The following PPP1R12A variants were observed in gnomAD, a reference collection of about 807,000 sequenced individuals.
PPP1R12A encodes the protein protein phosphatase 1 regulatory subunit 12A.
PPP1R12A carries 19 observed loss-of-function variants against 139.6 expected under a neutral mutation model. The ratio of observed to expected loss-of-function variants is 0.14; its 90% CI spans 0.09 to 0.20. The LOEUF (loss-of-function observed/expected upper bound fraction) is 0.20. PPP1R12A is among the 10% of genes least tolerant of loss of function. The pLI is 1.00. For missense variants in PPP1R12A, 925 were observed against 1,211.5 expected (o/e 0.76, Z 3.51); for synonymous variants, 427 against 420.6 (o/e 1.02, Z -0.19).
At chr12:79,935,234 G>C, upstream of PPP1R12A, 1 of 1,238,198 alleles carries the variant, frequency 8.1e-7, no homozygotes, top group Non-Finnish European at 1.0e-6. Context: ...TTCGACCAGT[G>C]CGCATGCGCC....
chr12:79,935,224 T>G, upstream of PPP1R12A: 2 of 1,259,450 alleles, frequency 1.6e-6, no homozygotes, highest in Non-Finnish European at 2.0e-6. Flanking sequence ...GGAGGCGCCC[T>G]TCGACCAGTG....
At chr12:79,881,507 G>T (rs770196102) in intron 1 of PPP1R12A, among the ~76,000 whole-genome samples, 8 of 152,206 alleles carry the variant, frequency 5.3e-5, no homozygotes, top group Non-Finnish European at 1.2e-4. Flanking sequence ...CCCAAGAGAG[G>T]TGAGGAAGCT....
chr12:79,892,147 T>C (rs1257737934), intron 1 of PPP1R12A, among the ~76,000 whole-genome samples: 2 of 152,206 alleles, frequency 1.3e-5, no homozygotes. Context: ...ATCCAAACAT[T>C]ATGTTCCCTT....
At chr12:79,788,834 A>G (rs751867603) in intron 20 of PPP1R12A, 51 bp from the exon 21 acceptor site, 22 of 1,469,242 alleles carry the variant, frequency 1.5e-5, no homozygotes, top group Middle Eastern at 1.8e-4. Flanking sequence ...TTTTACAATT[A>G]TAACAACATA....
chr12:79,782,571 C>T (rs1339139718), intron 22 of PPP1R12A: 1 of 455,174 alleles, frequency 2.2e-6, no homozygotes, highest in South Asian at 1.6e-5. Flanking sequence ...TTTAGCCTAC[C>T]TGTTGTATCC....
upstream of PPP1R12A, chr12:79,935,402 T>G: frequency 1.0e-6 from 1 of 992,000 alleles, no homozygotes; most frequent in Non-Finnish European, 1.2e-6. Context: ...GGCTGGGGGC[T>G]CCCGGGAATC....
At chr12:79,778,705 G>C (rs999311142) in intron 23 of PPP1R12A, 105 bp from the exon 24 acceptor site, 1 of 744,258 alleles carries the variant, frequency 1.3e-6, no homozygotes, top group Admixed American at 3.2e-5. Flanking sequence ...GTCCAATCAG[G>C]AGCAGTGTAG....
rs1870001486 is a variant in PPP1R12A, at chr12:79,778,377, C to T, written c.3006+173G>A. Reference sequence around the variant, plus strand: ...TGTTAAGATTTGGGTTTTAGACCCTCTTCTGGCTCACTAAAACCTGGATTC... The same window carrying T: ...TGTTAAGATTTGGGTTTTAGACCCTTTTCTGGCTCACTAAAACCTGGATTC... On this transcript the variant is annotated intron_variant, in intron 24 of 24. Coordinates refer to ENST00000450142, the MANE Select transcript of PPP1R12A (RefSeq NM_002480.3). The T allele has an allele frequency of 1.7e-5, 7 of 409,682 alleles. No individual in the cohort carries two copies. In the South Asian group the frequency reaches 5.7e-4, roughly 34 times the overall value. The allele number at this position is 409,682 out of a possible 1,614,324, so 25.4% of individuals were successfully genotyped here.
intron 1 of PPP1R12A, among the ~76,000 whole-genome samples, chr12:79,921,387 CA>C (rs1477524827): frequency 1.3e-5 from 2 of 152,004 alleles, no homozygotes; most frequent in Non-Finnish European, 2.9e-5. Flanking sequence ...CATTCATCTT[CA>C]AGAAAGAAAC....
At chr12:79,932,587 T>C (rs1304116220) in intron 1 of PPP1R12A, among the ~76,000 whole-genome samples, 1 of 152,132 alleles carries the variant, frequency 6.6e-6, no homozygotes, top group Non-Finnish European at 1.5e-5. Context: ...ATTACGCAAA[T>C]GGAGTAAATT....
intron 14 of PPP1R12A, among the ~76,000 whole-genome samples, chr12:79,803,340 C>T (rs1481961033): frequency 6.6e-6 from 1 of 152,010 alleles, no homozygotes; most frequent in Non-Finnish European, 1.5e-5. Context: ...TTGCAAAGAG[C>T]TGATCATTAA....
chr12:79,782,720 G>C (rs1194685927), intron 22 of PPP1R12A: 8 of 282,602 alleles, frequency 2.8e-5, no homozygotes, highest in Non-Finnish European at 5.8e-5. Context: ...GGAATTCCTG[G>C]TCAATTTGCT....
intron 12 of PPP1R12A, 30 bp from the exon 13 acceptor site, chr12:79,806,363 T>G: frequency 1.9e-6 from 3 of 1,569,208 alleles, no homozygotes; most frequent in Non-Finnish European, 2.6e-6. Flanking sequence ...CTATATAGGA[T>G]GTGTTTGTAT....
rs1870015662 is a variant in PPP1R12A at position 79,778,484 on chromosome 12, A to G, written c.3006+66T>C. 9.1e-6 allele frequency: 10 copies of G among 1,101,160 alleles called. No homozygotes were observed. In the South Asian group the frequency reaches 1.5e-4, roughly 17 times the overall value. 68.2% of individuals were successfully genotyped at this position (1,101,160 alleles called of 1,614,324 possible). A position where few individuals can be genotyped will look rare whatever the true frequency, so the allele number is the denominator to read the frequency against. Reference sequence around the variant, plus strand: ...AGAACAATTAATGTAAACCATATCTATAATAGTATTTTAAACATTAATACA... The same window carrying G: ...AGAACAATTAATGTAAACCATATCTGTAATAGTATTTTAAACATTAATACA... On this transcript the variant is annotated intron_variant, in intron 24 of 24. Coordinates refer to ENST00000450142, the MANE Select transcript of PPP1R12A (RefSeq NM_002480.3).
chr12:79,909,206 G>A (rs1886360628), intron 1 of PPP1R12A, among the ~76,000 whole-genome samples: 1 of 152,076 alleles, frequency 6.6e-6, no homozygotes, highest in Non-Finnish European at 1.5e-5. Context: ...TTCTTCACAG[G>A]TCTAATGGAA....
intron 1 of PPP1R12A, among the ~76,000 whole-genome samples, chr12:79,903,244 A>G (rs567905358): frequency 2.0e-5 from 3 of 152,136 alleles, no homozygotes; most frequent in Non-Finnish European, 4.4e-5. Context: ...CAAAGTCAAG[A>G]GTTCAAGACC....
At chr12:79,915,796 A>T (rs1886944462) in intron 1 of PPP1R12A, among the ~76,000 whole-genome samples, 1 of 152,186 alleles carries the variant, frequency 6.6e-6, no homozygotes. Flanking sequence ...TTGGGTTGAC[A>T]CTGAGTGATC....
intron 1 of PPP1R12A, among the ~76,000 whole-genome samples, chr12:79,923,871 A>C (rs888026604): frequency 2.6e-5 from 4 of 151,940 alleles, no homozygotes; most frequent in Non-Finnish European, 5.9e-5. Context: ...GGTGAAACCC[A>C]GTCTCTACTA....
intron 5 of PPP1R12A, among the ~76,000 whole-genome samples, chr12:79,823,008 A>G (rs1876312246): frequency 6.6e-6 from 1 of 152,074 alleles, no homozygotes; most frequent in Non-Finnish European, 1.5e-5. Context: ...TAATAAAACT[A>G]AAAATATATA....
Sources: allele counts gnomAD v4.1 joint callset (sites outside exome capture counted in the v4.1 genomes callset), GRCh38; gene constraint gnomAD v4.1.1; transcripts MANE v1.5; gene names NCBI Gene and HGNC (gene_info 2026-07-23, HGNC 2026-07-21).